MYO3B: variants seen among roughly 807,000 people sequenced by gnomAD.
The protein encoded by MYO3B is myosin-IIIb.
Under a neutral mutation model 174.6 loss-of-function variants are expected in MYO3B, and 156 were observed. That is an observed-to-expected ratio of 0.89 (90% CI 0.78 to 1.02). The LOEUF (loss-of-function observed/expected upper bound fraction) is 1.02. MYO3B is among the 50% of genes least tolerant of loss of function. The probability of loss-of-function intolerance (pLI) is 0.00; values close to 1 mark genes in which losing one functional copy is unlikely to be tolerated. For synonymous variants in MYO3B, 563 were observed against 569.1 expected (o/e 0.99, Z 0.15); for missense variants, 1,632 against 1,639.4 (o/e 1.00, Z 0.08).
chr2:170,218,029 C>T (rs2092850097), intron 6 of MYO3B, among the ~76,000 whole-genome samples: 1 of 152,172 alleles, frequency 6.6e-6, no homozygotes, highest in South Asian at 2.1e-4. Flanking sequence ...AGTATGCTGA[C>T]CTTTGCCTGA....
intron 22 of MYO3B, among the ~76,000 whole-genome samples, chr2:170,419,360 A>G (rs182134333): frequency 6.6e-6 from 1 of 152,340 alleles, no homozygotes; most frequent in African/African-American, 2.4e-5. Flanking sequence ...GTTGGAGATC[A>G]AGTTGTCAGC....
chr2:170,534,629 A>G (rs1689570241), intron 30 of MYO3B, among the ~76,000 whole-genome samples: 2 of 152,090 alleles, frequency 1.3e-5, no homozygotes, highest in Admixed American at 1.3e-4. Context: ...TTGTAGAAAC[A>G]AGGTCTCACT....
chr2:170,396,464 C>G (rs1173337887), intron 16 of MYO3B, among the ~76,000 whole-genome samples: 1 of 151,952 alleles, frequency 6.6e-6, no homozygotes, highest in African/African-American at 2.4e-5. Context: ...AAGGTTAGGA[C>G]TGATGGAGTC....
intron 22 of MYO3B, among the ~76,000 whole-genome samples, 184 bp downstream of exon 22, chr2:170,408,028 A>G (rs1329328886): frequency 6.6e-6 from 1 of 152,256 alleles, no homozygotes; most frequent in African/African-American, 2.4e-5. Context: ...ATTGTGCAGC[A>G]TCCGTGTGTA....
At chr2:170,576,320 G>A (rs1692778515) in intron 32 of MYO3B, among the ~76,000 whole-genome samples, 1 of 152,146 alleles carries the variant, frequency 6.6e-6, no homozygotes, top group South Asian at 2.1e-4. Flanking sequence ...GTCTCTGAAG[G>A]GATTGCTGAG....
chr2:170,395,206 G>A (rs769684049), intron 16 of MYO3B, among the ~76,000 whole-genome samples: 17 of 152,144 alleles, frequency 1.1e-4, no homozygotes, highest in Non-Finnish European at 1.9e-4. Flanking sequence ...ATGACTCCTT[G>A]TGGAGGGCTG....
intron 3 of MYO3B, among the ~76,000 whole-genome samples, chr2:170,209,198 T>C (rs1260362207): frequency 6.6e-6 from 1 of 152,192 alleles, no homozygotes; most frequent in South Asian, 2.1e-4. Context: ...TGGATTCTTA[T>C]GGCACTGATG....
At chr2:170,329,807 A>C (rs1373185643) in intron 7 of MYO3B, among the ~76,000 whole-genome samples, 1 of 152,126 alleles carries the variant, frequency 6.6e-6, no homozygotes, top group Non-Finnish European at 1.5e-5. Context: ...CAAATTTAGG[A>C]ACAGCTGGGG....
chr2:170,515,230 G>C (rs1688234541), intron 29 of MYO3B, among the ~76,000 whole-genome samples: 1 of 152,202 alleles, frequency 6.6e-6, no homozygotes, highest in East Asian at 1.9e-4. Context: ...AATAGATGGG[G>C]ATAAGCTCCG....
At chr2:170,647,637 A>T (rs2105473277) in intron 32 of MYO3B, among the ~76,000 whole-genome samples, 1 of 152,332 alleles carries the variant, frequency 6.6e-6, no homozygotes, top group African/African-American at 2.4e-5. Context: ...CTTATACCAG[A>T]TTCTAGTATA....
chr2:170,437,298 C>T (rs2094761455), intron 22 of MYO3B, among the ~76,000 whole-genome samples: 1 of 151,656 alleles, frequency 6.6e-6, no homozygotes, highest in Non-Finnish European at 1.5e-5. Flanking sequence ...AAATATGGCC[C>T]CTTGACCTAT....
chr2:170,403,534 C>T (rs2094491967), intron 19 of MYO3B, among the ~76,000 whole-genome samples: 1 of 152,184 alleles, frequency 6.6e-6, no homozygotes, highest in South Asian at 2.1e-4. Context: ...AGGGATGGGG[C>T]TCTTTTCCTG....
At chr2:170,464,836 T>C (rs934534146) in intron 24 of MYO3B, among the ~76,000 whole-genome samples, 21 of 152,110 alleles carry the variant, frequency 1.4e-4, no homozygotes, top group Non-Finnish European at 2.6e-4. Flanking sequence ...GTCCATTTTA[T>C]GTTGCTATGA....
intron 7 of MYO3B, among the ~76,000 whole-genome samples, chr2:170,287,989 C>T (rs186306887): frequency 2.7e-3 from 408 of 152,168 alleles, no homozygotes; most frequent in African/African-American, 9.6e-3. Context: ...GTCCTTTCCC[C>T]ATTGTATGTT....
intron 30 of MYO3B, among the ~76,000 whole-genome samples, chr2:170,526,002 G>A (rs750650500): frequency 6.6e-6 from 1 of 152,202 alleles, no homozygotes; most frequent in African/African-American, 2.4e-5. Flanking sequence ...AGGGAAAATG[G>A]CAGCATGATG....
intron 7 of MYO3B, among the ~76,000 whole-genome samples, chr2:170,294,696 A>G (rs991168537): frequency 6.6e-6 from 1 of 152,180 alleles, no homozygotes; most frequent in South Asian, 2.1e-4. Flanking sequence ...ACTACCCTGT[A>G]TGATACTATA....
chr2:170,437,969 CTTTT>C (rs10579313), intron 22 of MYO3B, among the ~76,000 whole-genome samples: 41,743 of 151,844 alleles, frequency 0.27, 5,944 homozygotes, highest in Admixed American at 0.36. Context: ...TGAAATCTCT[CTTTT>C]TAAGTATACA....
intron 25 of MYO3B, among the ~76,000 whole-genome samples, chr2:170,494,198 G>C (rs138048144): frequency 3.6e-4 from 55 of 152,270 alleles, no homozygotes; most frequent in African/African-American, 1.3e-3. Flanking sequence ...GTTGCCTGTT[G>C]CTTTTGCTAA....
chr2:170,290,376 A>G (rs890104506), intron 7 of MYO3B, among the ~76,000 whole-genome samples: 15 of 152,176 alleles, frequency 9.9e-5, no homozygotes, highest in South Asian at 4.1e-4. Context: ...GGGTGCATAT[A>G]TACTTACAAT....
Sources: gnomAD v4.1 joint callset for allele counts (sites outside exome capture counted in the v4.1 genomes callset) on GRCh38, gnomAD v4.1.1 for gene constraint, MANE v1.5 for transcripts, NCBI Gene and HGNC (gene_info 2026-07-23, HGNC 2026-07-21) for gene names.